The following GBE1 variants were observed in gnomAD, a reference collection of about 807,000 sequenced individuals.
The protein encoded by GBE1 is 1,4-alpha-glucan-branching enzyme.
A neutral mutation model predicts 88.8 loss-of-function variants in GBE1; 70 were observed. The ratio of observed to expected loss-of-function variants is 0.79; its 90% CI spans 0.65 to 0.96. GBE1 has a LOEUF of 0.96. GBE1 is among the 40% of genes least tolerant of loss of function. The pLI is 0.00. For missense variants in GBE1, 872 were observed against 871.0 expected, an observed-to-expected ratio of 1.00 and a Z score of -0.01; for synonymous variants, 284 against 300.1, an observed-to-expected ratio of 0.95 and a Z score of 0.56.
intron 14 of GBE1, among the ~76,000 whole-genome samples, chr3:81,515,349 T>G (rs1226290728): frequency 6.6e-6 from 1 of 151,554 alleles, no homozygotes; most frequent in Non-Finnish European, 1.5e-5. Context: ...ATTATGTCTA[T>G]GATGATGATC....
chr3:81,626,689 G>T (rs1005689782), intron 7 of GBE1, among the ~76,000 whole-genome samples: 3 of 146,204 alleles, frequency 2.1e-5, no homozygotes, highest in Non-Finnish European at 4.5e-5. Flanking sequence ...GTCAAGATGA[G>T]ACTAGAGCCA....
chr3:81,535,382 AC>A, intron 13 of GBE1, 57 bp from the exon 14 acceptor site: 1 of 1,505,308 alleles, frequency 6.6e-7, no homozygotes, highest in Non-Finnish European at 8.9e-7. Context: ...TGCTACAAGT[AC>A]ATTATTTTTT....
At chr3:81,573,532 T>C (rs1703603145) in intron 12 of GBE1, among the ~76,000 whole-genome samples, 1 of 152,330 alleles carries the variant, frequency 6.6e-6, no homozygotes, top group East Asian at 1.9e-4. Context: ...GTATTCCCTT[T>C]TGGGTTTTAA....
intron 15 of GBE1, among the ~76,000 whole-genome samples, chr3:81,496,749 G>C (rs1362432643): frequency 6.6e-6 from 1 of 152,056 alleles, no homozygotes; most frequent in Non-Finnish European, 1.5e-5. Flanking sequence ...GAATAACTTA[G>C]GTAAAAAGAA....
intron 3 of GBE1, among the ~76,000 whole-genome samples, chr3:81,665,423 C>G (rs1477281070): frequency 1.3e-5 from 2 of 151,854 alleles, no homozygotes; most frequent in South Asian, 4.1e-4. Flanking sequence ...GTAGTCCCAG[C>G]TGCTCGAGAG....
chr3:81,527,761 T>A (rs186795140), intron 14 of GBE1, among the ~76,000 whole-genome samples: 59 of 152,180 alleles, frequency 3.9e-4, no homozygotes, highest in Non-Finnish European at 7.8e-4. Context: ...ACTTTTACAC[T>A]GTTAGTGGGA....
intron 5 of GBE1, among the ~76,000 whole-genome samples, chr3:81,647,217 CAAAGT>C (rs1271998547): frequency 1.3e-5 from 2 of 152,238 alleles, no homozygotes; most frequent in South Asian, 2.1e-4. Context: ...CTCAGCCTCC[CAAAGT>C]GCTGGGATTA....
At chr3:81,499,799 A>G (rs1373814029) in intron 14 of GBE1, among the ~76,000 whole-genome samples, 7 of 152,194 alleles carry the variant, frequency 4.6e-5, no homozygotes, top group Non-Finnish European at 7.3e-5. Flanking sequence ...ATTTTTCACA[A>G]TAAGTTGTTA....
chr3:81,609,985 A>G (rs989477544), intron 7 of GBE1, among the ~76,000 whole-genome samples: 2 of 152,094 alleles, frequency 1.3e-5, no homozygotes, highest in African/African-American at 4.8e-5. Context: ...AAAGGTATTT[A>G]AAATCAATAA....
At chr3:81,503,323 G>A (rs2106816534) in intron 14 of GBE1, among the ~76,000 whole-genome samples, 1 of 152,162 alleles carries the variant, frequency 6.6e-6, no homozygotes, top group Non-Finnish European at 1.5e-5. Context: ...AAATATGAGG[G>A]ACGAGCCATA....
intron 2 of GBE1, among the ~76,000 whole-genome samples, chr3:81,690,495 C>T (rs1705505090): frequency 6.6e-6 from 1 of 152,130 alleles, no homozygotes; most frequent in Non-Finnish European, 1.5e-5. Context: ...TAAACAGTTA[C>T]CAGAACTACT....
chr3:81,548,023 C>A (rs1238005662), intron 12 of GBE1, among the ~76,000 whole-genome samples: 1 of 151,422 alleles, frequency 6.6e-6, no homozygotes, highest in Non-Finnish European at 1.5e-5. Context: ...TTGGTCTCTG[C>A]TGTCACAATG....
chr3:81,589,866 T>C (rs936282857), intron 9 of GBE1, among the ~76,000 whole-genome samples: 8 of 152,052 alleles, frequency 5.3e-5, no homozygotes, highest in Non-Finnish European at 1.0e-4. Context: ...TACACTCTGA[T>C]TGATGTTAAA....
At chr3:81,550,386 C>T (rs1703256567) in intron 12 of GBE1, among the ~76,000 whole-genome samples, 1 of 151,322 alleles carries the variant, frequency 6.6e-6, no homozygotes, top group African/African-American at 2.4e-5. Flanking sequence ...AATATCATTG[C>T]CCTTATTCAG....
At chr3:81,563,486 G>A (rs528033769) in intron 12 of GBE1, among the ~76,000 whole-genome samples, 3 of 152,194 alleles carry the variant, frequency 2.0e-5, no homozygotes, top group East Asian at 1.9e-4. Flanking sequence ...GGATCAAATC[G>A]AGGGAAGGCT....
At chr3:81,737,857 T>G (rs1413341555) in intron 1 of GBE1, among the ~76,000 whole-genome samples, 2 of 152,168 alleles carry the variant, frequency 1.3e-5, no homozygotes, top group Non-Finnish European at 2.9e-5. Context: ...ACCCACTAAC[T>G]CGTCATCTAG....
At chr3:81,495,282 G>A (rs1407115580) in intron 15 of GBE1, among the ~76,000 whole-genome samples, 2 of 152,012 alleles carry the variant, frequency 1.3e-5, no homozygotes, top group Non-Finnish European at 2.9e-5. Context: ...CCAGCTATTC[G>A]GGAGGCTGAG....
intron 12 of GBE1, among the ~76,000 whole-genome samples, chr3:81,549,689 A>G (rs1703248465): frequency 6.6e-6 from 1 of 151,592 alleles, no homozygotes; most frequent in Non-Finnish European, 1.5e-5. Context: ...CTTAAAAAAT[A>G]AAAGTCTTAT....
intron 1 of GBE1, among the ~76,000 whole-genome samples, chr3:81,741,139 C>A (rs2594551): frequency 0.65 from 98,225 of 152,008 alleles, 33,654 homozygotes; most frequent in East Asian, 0.94. Flanking sequence ...ATTAACAATA[C>A]CGTCTATATA....
Sources: gnomAD v4.1 joint callset for allele counts (sites outside exome capture counted in the v4.1 genomes callset) on GRCh38, gnomAD v4.1.1 for gene constraint, MANE v1.5 for transcripts, NCBI Gene and HGNC (gene_info 2026-07-23, HGNC 2026-07-21) for gene names.